UTRN: variants seen among roughly 807,000 people sequenced by gnomAD.
The protein encoded by UTRN is utrophin.
A neutral mutation model predicts 463.9 loss-of-function variants in UTRN; 283 were observed. The ratio of observed to expected loss-of-function variants is 0.61; its 90% CI spans 0.55 to 0.67. The LOEUF (loss-of-function observed/expected upper bound fraction) is 0.67. UTRN is among the 30% of genes least tolerant of loss of function. UTRN has a pLI of 0.00. For synonymous variants in UTRN, 1,442 were observed against 1,431.5 expected, an observed-to-expected ratio of 1.01 and a Z score of -0.17; for missense variants, 3,922 against 4,084.3, an observed-to-expected ratio of 0.96 and a Z score of 1.08.
At chr6:144,301,390 C>T (rs936416972) in intron 2 of UTRN, among the ~76,000 whole-genome samples, 2 of 152,026 alleles carry the variant, frequency 1.3e-5, no homozygotes, top group African/African-American at 4.8e-5. Flanking sequence ...TGTCTCAGGG[C>T]AGCCTTGTTG....
chr6:144,763,823 T>C (rs528222506), intron 58 of UTRN, among the ~76,000 whole-genome samples: 1 of 152,138 alleles, frequency 6.6e-6, no homozygotes, highest in Non-Finnish European at 1.5e-5. Flanking sequence ...AAAGGTATAA[T>C]TAACAATGAA....
chr6:144,748,627 G>A lies in UTRN; in HGVS notation c.8208+113G>A, dbSNP rs772631006. 5.2e-5 allele frequency: 71 copies of A among 1,373,492 alleles called. 1 individual carries two copies. The highest frequency in any genetic ancestry group is 5.3e-4 in the Middle Eastern group (2 of 3,774). The allele number at this position is 1,373,492 out of a possible 1,614,324, so 85.1% of individuals were successfully genotyped here. ...TATAAGGGATTGTTACAAAGCCAACGCCGCTGCAACCCCACCCATCAGGAG... is the reference window on the plus strand; with the variant it reads ...TATAAGGGATTGTTACAAAGCCAACACCGCTGCAACCCCACCCATCAGGAG... On this transcript the variant is annotated intron_variant, in intron 55 of 74. Coordinates refer to ENST00000367545, the MANE Select transcript of UTRN (RefSeq NM_007124.3).
At chr6:144,469,703 C>CTTTTTTTTTTTTTTTTTTTTT (rs545551155) in intron 23 of UTRN, among the ~76,000 whole-genome samples, 1 of 135,750 alleles carries the variant, frequency 7.4e-6, no homozygotes, top group Admixed American at 7.3e-5. Context: ...TGTTTCTTTC[C>CTTTTTTTTTTTTTTTTTTTTT]TTTTTTTTTT....
intron 51 of UTRN, among the ~76,000 whole-genome samples, chr6:144,614,903 T>C (rs1256661043): frequency 6.6e-6 from 1 of 152,140 alleles, no homozygotes; most frequent in East Asian, 1.9e-4. Context: ...TAAACAAAGA[T>C]AACGTGTAGC....
chr6:144,819,169 GTTGT>G (rs1779345932), intron 65 of UTRN, among the ~76,000 whole-genome samples: 1 of 152,158 alleles, frequency 6.6e-6, no homozygotes, highest in Non-Finnish European at 1.5e-5. Flanking sequence ...CTTGTTGCAG[GTTGT>G]TTGTTTTGTC....
At chr6:144,799,170 CAG>C (rs1363977724) in intron 64 of UTRN, among the ~76,000 whole-genome samples, 4 of 152,190 alleles carry the variant, frequency 2.6e-5, no homozygotes, top group Non-Finnish European at 4.4e-5. Flanking sequence ...TTGAATTAAA[CAG>C]AATTGTTTTC....
At chr6:144,346,950 C>T (rs1201139976) in intron 2 of UTRN, among the ~76,000 whole-genome samples, 1 of 152,088 alleles carries the variant, frequency 6.6e-6, no homozygotes, top group Non-Finnish European at 1.5e-5. Flanking sequence ...GCTGTATCAT[C>T]ATTTTCACTA....
chr6:144,701,850 TG>T (rs1562788968), intron 53 of UTRN, among the ~76,000 whole-genome samples: 1 of 152,160 alleles, frequency 6.6e-6, no homozygotes, highest in Admixed American at 6.5e-5. Flanking sequence ...ACCATTTGGG[TG>T]TATTTTTTTT....
At chr6:144,292,118 G>T (rs980889818) in intron 2 of UTRN, among the ~76,000 whole-genome samples, 1 of 152,148 alleles carries the variant, frequency 6.6e-6, no homozygotes, top group African/African-American at 2.4e-5. Context: ...ACCCAATTTT[G>T]TGCTTAGTGA....
Position 144,391,862 on chromosome 6 carries a change from G to A in UTRN, c.80-11261G>A, listed in dbSNP as rs555026544. ...TTCACCTGTTAGCCATGATGGTCTC[G>A]ATCTCCTGACCTCGTGATCTGCCCT... On this transcript the variant is annotated intron_variant, in intron 2 of 74. Transcript: ENST00000367545. Among the ~76,000 whole-genome samples, 13 of 152,248 alleles carry A rather than the reference G, an allele frequency of 8.5e-5. No homozygotes were observed. The East Asian group carries it at 9.7e-4, about 11-fold the overall frequency.
chr6:144,443,580 T>G (rs759906795), intron 13 of UTRN, among the ~76,000 whole-genome samples: 5 of 152,168 alleles, frequency 3.3e-5, no homozygotes, highest in Non-Finnish European at 7.4e-5. Context: ...TTGTTAATCA[T>G]TATTTGTAAA....
chr6:144,845,821 G>A (rs148531018), intron 73 of UTRN, among the ~76,000 whole-genome samples: 113 of 152,036 alleles, frequency 7.4e-4, no homozygotes, highest in Non-Finnish European at 1.5e-3. Flanking sequence ...CCCAAATACC[G>A]GGCCTCACAC....
At chr6:144,652,846 G>C (rs896358665) in intron 51 of UTRN, among the ~76,000 whole-genome samples, 10 of 152,292 alleles carry the variant, frequency 6.6e-5, no homozygotes, top group African/African-American at 2.4e-4. Context: ...TTGAGGGCTG[G>C]TTTGGTAGTG....
chr6:144,380,365 A>G (rs1300158295), intron 2 of UTRN, among the ~76,000 whole-genome samples: 2 of 152,234 alleles, frequency 1.3e-5, no homozygotes, highest in African/African-American at 2.4e-5. Context: ...AATACTGGTT[A>G]TCTCTGGGCA....
intron 51 of UTRN, among the ~76,000 whole-genome samples, chr6:144,619,202 G>A (rs1319967268): frequency 1.3e-5 from 2 of 152,008 alleles, no homozygotes; most frequent in Admixed American, 6.6e-5. Flanking sequence ...CAAATTGGTC[G>A]ATAAACACAT....
chr6:144,439,815 A>G (rs1786960423), intron 12 of UTRN, among the ~76,000 whole-genome samples: 2 of 152,270 alleles, frequency 1.3e-5, no homozygotes, highest in South Asian at 2.1e-4. Flanking sequence ...TAAATTTTCT[A>G]TACACATGTA....
At chr6:144,758,765 G>T (rs1434494827) in intron 58 of UTRN, among the ~76,000 whole-genome samples, 1 of 152,048 alleles carries the variant, frequency 6.6e-6, no homozygotes, top group African/African-American at 2.4e-5. Context: ...TTTACAACGT[G>T]CTCTAGTGAT....
chr6:144,440,934 T>A (rs1787093499), intron 13 of UTRN, among the ~76,000 whole-genome samples: 1 of 152,152 alleles, frequency 6.6e-6, no homozygotes, highest in African/African-American at 2.4e-5. Flanking sequence ...GAAACTCCTT[T>A]TTTTAAAACC....
At chr6:144,664,314 C>T (rs1459766399) in intron 51 of UTRN, among the ~76,000 whole-genome samples, 2 of 152,112 alleles carry the variant, frequency 1.3e-5, no homozygotes, top group East Asian at 3.8e-4. Context: ...GTGCCCCAGG[C>T]TTGTAGTTTT....
Sources: gnomAD v4.1 joint callset for allele counts (sites outside exome capture counted in the v4.1 genomes callset) on GRCh38, gnomAD v4.1.1 for gene constraint, MANE v1.5 for transcripts, NCBI Gene and HGNC (gene_info 2026-07-23, HGNC 2026-07-21) for gene names.